Variants in PKHD1 observed in about 807,000 individuals in gnomAD.
PKHD1 encodes fibrocystin.
A neutral mutation model predicts 412.0 loss-of-function variants in PKHD1; 291 were observed. That is an observed-to-expected ratio of 0.71 (90% CI 0.64 to 0.78). The LOEUF (loss-of-function observed/expected upper bound fraction) is 0.78, where lower values mean the gene tolerates loss of function less well. Ranked by LOEUF, PKHD1 falls within the 30% of genes least tolerant of loss-of-function variation. The pLI is 0.00. For missense variants in PKHD1, 4,825 were observed against 4,950.7 expected, an observed-to-expected ratio of 0.97 and a Z score of 0.76; for synonymous variants, 1,777 against 1,821.5, an observed-to-expected ratio of 0.98 and a Z score of 0.62.
intron 43 of PKHD1, among the ~76,000 whole-genome samples, chr6:51,894,882 A>T (rs1779657274): frequency 6.6e-6 from 1 of 152,268 alleles, no homozygotes; most frequent in African/African-American, 2.4e-5. Flanking sequence ...GATGAAGAGC[A>T]CATAGGAATT....
At chr6:51,703,241 TC>T (rs1582172165) in intron 60 of PKHD1, among the ~76,000 whole-genome samples, 1 of 152,050 alleles carries the variant, frequency 6.6e-6, no homozygotes, top group East Asian at 1.9e-4. Flanking sequence ...TGATTGAGGA[TC>T]CTTTTGTTGC....
intron 34 of PKHD1, among the ~76,000 whole-genome samples, chr6:52,011,654 T>C (rs1028161339): frequency 6.6e-6 from 1 of 152,220 alleles, no homozygotes; most frequent in Non-Finnish European, 1.5e-5. Context: ...ACCATCTTTT[T>C]TCAAATCAAT....
chr6:51,944,777 T>C (rs1203418268), intron 36 of PKHD1, among the ~76,000 whole-genome samples: 1 of 152,172 alleles, frequency 6.6e-6, no homozygotes, highest in Non-Finnish European at 1.5e-5. Flanking sequence ...GACGAATTGA[T>C]TTTGTCTGTG....
At chr6:52,027,993 ACTGT>A (rs1296699197) in intron 30 of PKHD1, 97 bp from the exon 31 acceptor site, 2 of 1,177,170 alleles carry the variant, frequency 1.7e-6, no homozygotes, top group African/African-American at 1.5e-5. Flanking sequence ...AGAAGAGCAA[ACTGT>A]CTGTAAGTTC....
intron 12 of PKHD1, 140 bp from the exon 13 acceptor site, chr6:52,065,190 GAGAGAGAC>G (rs1481394640): frequency 5.6e-6 from 1 of 179,554 alleles, no homozygotes; most frequent in African/African-American, 2.5e-5. Flanking sequence ...GAGAGAGAGA[GAGAGAGAC>G]AGAGAGAGAG....
At chr6:51,892,568 C>A (rs146776650) in intron 43 of PKHD1, among the ~76,000 whole-genome samples, 8 of 152,222 alleles carry the variant, frequency 5.3e-5, no homozygotes, top group Non-Finnish European at 1.2e-4. Context: ...GTTGAGAAAC[C>A]TTGGTCTATA....
At chr6:51,839,194 G>A (rs1057371157) in intron 50 of PKHD1, among the ~76,000 whole-genome samples, 2 of 152,110 alleles carry the variant, frequency 1.3e-5, no homozygotes, top group African/African-American at 2.4e-5. Flanking sequence ...ATACAAAGAG[G>A]GATGAAAATC....
intron 51 of PKHD1, among the ~76,000 whole-genome samples, chr6:51,832,436 C>G (rs541927746): frequency 6.6e-6 from 1 of 151,996 alleles, no homozygotes; most frequent in African/African-American, 2.4e-5. Context: ...AACCACAGAG[C>G]TAGAAGAGAG....
intron 60 of PKHD1, among the ~76,000 whole-genome samples, chr6:51,666,739 C>G (rs1283675687): frequency 6.9e-6 from 1 of 144,400 alleles, no homozygotes; most frequent in Non-Finnish European, 1.5e-5. Flanking sequence ...GTTCCTCTTC[C>G]TGTGTCCATG....
At chr6:51,949,792 A>C (rs1790039238) in intron 36 of PKHD1, among the ~76,000 whole-genome samples, 1 of 152,138 alleles carries the variant, frequency 6.6e-6, no homozygotes, top group Admixed American at 6.5e-5. Flanking sequence ...GGCAAAGGGA[A>C]TGGACTCTCT....
chr6:51,659,871 C>T lies in PKHD1; in HGVS notation c.10255G>A (p.Asp3419Asn). 1 of 1,613,558 alleles carries T rather than the reference C, an allele frequency of 6.2e-7. No individual in the cohort carries two copies. Among genetic ancestry groups the T allele is most frequent in the Non-Finnish European group, 8.5e-7 (1 of 1,179,650 alleles). ...AACTTCTGAATTGCCCAAATGGCAT[C>T]AGCGCTATCAAGAATTAGGACCACT... The part of the protein sequence containing the change: ...DQVVLILDSA[D>N]AIWAIQKLYP... The change falls in exon 61 of 67, where the codon GAT (aspartate) becomes AAT (asparagine). Residue 3419 changes from aspartate (D) to asparagine (N), a missense_variant. Physicochemically the swap from Asp to Asn is conservative, Grantham distance 23 (BLOSUM62 1). Transcript: ENST00000371117.
intron 13 of PKHD1, 144 bp downstream of exon 13, chr6:52,064,811 G>A (rs1809257563): frequency 2.0e-5 from 9 of 457,954 alleles, no homozygotes; most frequent in Admixed American, 1.9e-4. Flanking sequence ...GGAGAGCCTT[G>A]ACAATGGTAT....
chr6:51,912,232 C>T, intron 38 of PKHD1, 134 bp downstream of exon 38: 1 of 744,874 alleles, frequency 1.3e-6, no homozygotes, highest in South Asian at 1.5e-5. Flanking sequence ...TTTTAATTTT[C>T]TTGTCAAAAT....
At chr6:51,822,524 CT>C (rs1235640825) in intron 52 of PKHD1, among the ~76,000 whole-genome samples, 2 of 152,120 alleles carry the variant, frequency 1.3e-5, no homozygotes, top group Admixed American at 1.3e-4. Flanking sequence ...CTACCCAATC[CT>C]TATATCTCTC....
intron 36 of PKHD1, among the ~76,000 whole-genome samples, chr6:51,944,993 C>A (rs573862851): frequency 5.4e-4 from 82 of 152,276 alleles, no homozygotes; most frequent in Middle Eastern, 3.4e-3. Context: ...AGAGCAGTAC[C>A]ACACTGCTTA....
Position 52,056,659 on chromosome 6 carries a change from T to C in PKHD1, c.1693+39A>G, listed in dbSNP as rs775131765. ...CATTTTATAGAAAGAAAGAAGACCA[T>C]GATGAAAAAGACAATCAGAATGAAG... On this transcript the variant is annotated intron_variant, in intron 18 of 66. Transcript: ENST00000371117. The C allele has an allele frequency of 1.4e-5, 19 of 1,349,292 alleles. No homozygotes were observed. In the East Asian group the frequency reaches 3.7e-4, roughly 26 times the overall value. The allele number at this position is 1,349,292 out of a possible 1,614,324, so 83.6% of individuals were successfully genotyped here.
intron 63 of PKHD1, among the ~76,000 whole-genome samples, chr6:51,645,416 G>A (rs551496955): frequency 1.3e-5 from 2 of 151,268 alleles, no homozygotes; most frequent in South Asian, 2.1e-4. Context: ...TTCTTGAGAC[G>A]GAGTCTTGCT....
At position 51,999,322 on chromosome 6, in the gene PKHD1, C is replaced by T. The variant is rs573921583; in HGVS notation, c.5751+10987G>A. ...CTGCCTCTCCCTTCTGGTTCCCCTT[C>T]TTTTCTCCTCTAACTCCCTGAGACA... On this transcript the variant is annotated intron_variant, in intron 35 of 66. Transcript: ENST00000371117. Among the ~76,000 whole-genome samples, 4 of 152,334 alleles carry T rather than the reference C, an allele frequency of 2.6e-5. No individual in the cohort carries two copies. The South Asian group carries it at 8.3e-4, about 32-fold the overall frequency.
At chr6:51,996,657 C>T (rs1381632573) in intron 35 of PKHD1, among the ~76,000 whole-genome samples, 1 of 152,220 alleles carries the variant, frequency 6.6e-6, no homozygotes, top group East Asian at 1.9e-4. Flanking sequence ...GGGAGACTTA[C>T]CAAACTGTTT....
Sources: allele counts gnomAD v4.1 joint callset (sites outside exome capture counted in the v4.1 genomes callset), GRCh38; gene constraint gnomAD v4.1.1; transcripts MANE v1.5; gene names NCBI Gene and HGNC (gene_info 2026-07-23, HGNC 2026-07-21).